PBX1: variants seen among roughly 807,000 people sequenced by gnomAD.
PBX1 encodes the protein pre-B-cell leukemia transcription factor 1.
Under a neutral mutation model 53.4 loss-of-function variants are expected in PBX1, and 6 were observed. That is an observed-to-expected ratio of 0.11 (90% CI 0.06 to 0.22). The LOEUF is 0.22. Ranked by LOEUF, PBX1 falls within the 10% of genes least tolerant of loss-of-function variation. The probability of loss-of-function intolerance (pLI) is 1.00; values close to 1 mark genes in which losing one functional copy is unlikely to be tolerated. For synonymous variants in PBX1, 204 were observed against 212.3 expected (o/e 0.96, Z 0.34); for missense variants, 251 against 551.4 (o/e 0.46, Z 5.46).
intron 2 of PBX1, among the ~76,000 whole-genome samples, chr1:164,686,964 A>G (rs1662137506): frequency 6.6e-6 from 1 of 151,930 alleles, no homozygotes; most frequent in Non-Finnish European, 1.5e-5. Context: ...CCCAAAAAAA[A>G]AACCAAAAAA....
intron 2 of PBX1, among the ~76,000 whole-genome samples, chr1:164,782,634 C>T (rs1667989297): frequency 6.6e-6 from 1 of 152,180 alleles, no homozygotes; most frequent in Non-Finnish European, 1.5e-5. Flanking sequence ...TTATTTCAAA[C>T]TTAGTTCTGA....
At chr1:164,870,305 C>CT (rs1179607112) in intron 2 of PBX1, among the ~76,000 whole-genome samples, 1 of 66,790 alleles carries the variant, frequency 1.5e-5, no homozygotes, top group Non-Finnish European at 2.9e-5. Flanking sequence ...TTCTTTCTTT[C>CT]TTTCTTTCTT....
intron 2 of PBX1, among the ~76,000 whole-genome samples, chr1:164,616,716 T>C (rs891488002): frequency 6.6e-6 from 1 of 152,186 alleles, no homozygotes; most frequent in South Asian, 2.1e-4. Context: ...CAATGCTAAC[T>C]TCAGAGGGAG....
chr1:164,788,752 T>TCCCCCCCCCCCCC (rs11429159), intron 2 of PBX1, among the ~76,000 whole-genome samples: 7 of 68,950 alleles, frequency 1.0e-4, no homozygotes, highest in South Asian at 5.6e-4. Context: ...CCCGCCGCCC[T>TCCCCCCCCCCCCC]CCCCCCCCCG....
At chr1:164,832,761 G>A (rs1381233056) in intron 8 of PBX1, among the ~76,000 whole-genome samples, 1 of 152,064 alleles carries the variant, frequency 6.6e-6, no homozygotes, top group Non-Finnish European at 1.5e-5. Context: ...AAAATTGGCA[G>A]GAGAGTGATA....
At chr1:164,687,647 C>T (rs1557942620) in intron 2 of PBX1, among the ~76,000 whole-genome samples, 1 of 151,056 alleles carries the variant, frequency 6.6e-6, no homozygotes, top group Non-Finnish European at 1.5e-5. Context: ...ATCAGCCCAG[C>T]TTATGTGGCT....
chr1:164,563,210 A>C, intron 1 of PBX1, 28 bp from the exon 2 acceptor site: 1 of 1,548,530 alleles, frequency 6.5e-7, no homozygotes, highest in Non-Finnish European at 8.9e-7. Context: ...GAGTCCACCT[A>C]AGCTATCATG....
At chr1:164,750,186 A>C (rs917978272) in intron 2 of PBX1, among the ~76,000 whole-genome samples, 20 of 136,052 alleles carry the variant, frequency 1.5e-4, no homozygotes, top group African/African-American at 6.0e-4. Flanking sequence ...GTGTGTGTAC[A>C]TGCACATGTG....
chr1:164,620,931 C>T (rs771548618), intron 2 of PBX1, among the ~76,000 whole-genome samples: 1 of 152,112 alleles, frequency 6.6e-6, no homozygotes, highest in Non-Finnish European at 1.5e-5. Context: ...GATCCACCCA[C>T]CTCAGCCTCC....
chr1:164,765,988 T>G (rs1200769710), intron 2 of PBX1, among the ~76,000 whole-genome samples: 1 of 152,112 alleles, frequency 6.6e-6, no homozygotes, highest in Non-Finnish European at 1.5e-5. Flanking sequence ...TAAATGCCGT[T>G]GGGGGAAAAA....
At chr1:164,691,229 G>C (rs1415644126) in intron 2 of PBX1, among the ~76,000 whole-genome samples, 1 of 151,862 alleles carries the variant, frequency 6.6e-6, no homozygotes, top group African/African-American at 2.4e-5. Flanking sequence ...TGGCCAACTG[G>C]TCTCGAACTC....
At chr1:164,722,347 A>G (rs1427899297) in intron 2 of PBX1, among the ~76,000 whole-genome samples, 1 of 152,108 alleles carries the variant, frequency 6.6e-6, no homozygotes, top group African/African-American at 2.4e-5. Flanking sequence ...TACTTAGTGG[A>G]GAGTGCTGGA....
At chr1:164,573,572 A>T (rs1010059292) in intron 2 of PBX1, among the ~76,000 whole-genome samples, 1 of 147,616 alleles carries the variant, frequency 6.8e-6, no homozygotes, top group Non-Finnish European at 1.5e-5. Flanking sequence ...GCTCACTGCA[A>T]CCTCTGCCTC....
intron 2 of PBX1, among the ~76,000 whole-genome samples, chr1:164,790,783 T>C (rs1026671646): frequency 2.0e-5 from 3 of 152,240 alleles, no homozygotes; most frequent in African/African-American, 7.2e-5. Context: ...CAGGAGCATG[T>C]GGGCACAGCC....
intron 3 of PBX1, among the ~76,000 whole-genome samples, chr1:164,797,895 G>A (rs1668865338): frequency 6.6e-6 from 1 of 152,236 alleles, no homozygotes; most frequent in Non-Finnish European, 1.5e-5. Context: ...ACAGCCAAGT[G>A]AGTTCCAGAG....
intron 3 of PBX1, among the ~76,000 whole-genome samples, chr1:164,793,516 C>T (rs1173500650): frequency 6.6e-6 from 1 of 152,116 alleles, no homozygotes; most frequent in Non-Finnish European, 1.5e-5. Context: ...AAGGAAAGGG[C>T]AAGAAAGGCT....
chr1:164,703,443 T>A (rs910043742), intron 2 of PBX1: 1 of 152,130 alleles, frequency 6.6e-6, no homozygotes, highest in African/African-American at 2.4e-5. Flanking sequence ...TATGGCTGCC[T>A]TATGTGTAAT....
At chr1:164,691,175 C>A (rs377748106) in intron 2 of PBX1, among the ~76,000 whole-genome samples, 1 of 151,782 alleles carries the variant, frequency 6.6e-6, no homozygotes, top group African/African-American at 2.4e-5. Context: ...CCACCATGCC[C>A]GGCTAATTTT....
chr1:164,802,040 A>C (rs1280204396), intron 4 of PBX1, among the ~76,000 whole-genome samples: 3 of 152,236 alleles, frequency 2.0e-5, no homozygotes, highest in Admixed American at 2.0e-4. Flanking sequence ...TCTGATGGGC[A>C]GGGCCTCACC....
Sources: allele counts gnomAD v4.1 joint callset (sites outside exome capture counted in the v4.1 genomes callset), GRCh38; gene constraint gnomAD v4.1.1; transcripts MANE v1.5; gene names NCBI Gene and HGNC (gene_info 2026-07-23, HGNC 2026-07-21).